Variants in MDN1 observed in about 807,000 individuals in gnomAD.
MDN1 encodes the protein midasin.
In MDN1, 266 loss-of-function variants were observed where a neutral mutation model predicts 669.2. That is an observed-to-expected ratio of 0.40 (90% confidence interval 0.36 to 0.44). The LOEUF (loss-of-function observed/expected upper bound fraction) is 0.44, where lower values mean the gene tolerates loss of function less well. Among genes scored for constraint, MDN1 ranks in the 20% least tolerant of loss-of-function variants. The pLI, the probability that MDN1 is intolerant of heterozygous loss-of-function variation, is 1.00. For synonymous variants in MDN1, 2,385 were observed against 2,457.1 expected (o/e 0.97, Z 0.87); for missense variants, 5,940 against 6,754.0 (o/e 0.88, Z 4.22).
chr6:89,715,989 CA>C (rs1468074296), intron 44 of MDN1, among the ~76,000 whole-genome samples: 5 of 152,160 alleles, frequency 3.3e-5, no homozygotes, highest in Non-Finnish European at 7.3e-5. Flanking sequence ...AGTAAATACA[CA>C]AGATATTTTT....
chr6:89,803,212 T>C lies in MDN1; in HGVS notation c.329+116A>G, dbSNP rs577465470. On this transcript the variant is annotated intron_variant, in intron 2 of 101. Transcript: ENST00000369393. ...TCTTTTTATAAAACAATACTATTTATCTCTCTCCTTTCTGTATTTCCGTTT... is the reference window on the plus strand; with the variant it reads ...TCTTTTTATAAAACAATACTATTTACCTCTCTCCTTTCTGTATTTCCGTTT... 42 of 860,528 alleles carry C rather than the reference T, an allele frequency of 4.9e-5. 1 individual carries two copies. The South Asian group carries it at 6.1e-4, about 13-fold the overall frequency. The allele number at this position is 860,528 out of a possible 1,614,324, so 53.3% of individuals were successfully genotyped here.
chr6:89,798,701 T>A (rs1819745047), intron 2 of MDN1, among the ~76,000 whole-genome samples: 1 of 152,228 alleles, frequency 6.6e-6, no homozygotes, highest in African/African-American at 2.4e-5. Flanking sequence ...TAAAAACCAC[T>A]GAACTGTACA....
intron 50 of MDN1, among the ~76,000 whole-genome samples, chr6:89,709,056 T>C (rs1226141853): frequency 2.0e-5 from 3 of 151,162 alleles, no homozygotes; most frequent in South Asian, 2.1e-4. Context: ...AAGAAAACAA[T>C]GCAGTTTTTT....
At position 89,648,095 on chromosome 6, in the gene MDN1, A is replaced by T. The variant is rs372496823; in HGVS notation, c.16332T>A (p.Asp5444Glu). ...GACGTAGAATCTGGGACCCAGAGTA[A>T]TCACTGAACTGCTCATGAAATGGGT... is the stretch of plus-strand genomic sequence containing the variant. Reference protein sequence around the residue: ...LLHPFHEQFSDYSGSQILRLC... With the variant: ...LLHPFHEQFSEYSGSQILRLC... Residue 5444 changes from aspartate (D) to glutamate (E), a missense_variant, in exon 99 of 102, where the codon GAT becomes GAA. Around this residue, in one of 5 missense-constraint regions of MDN1, gnomAD observed 2,280 missense variants for 2,576.3 expected, o/e 0.88. Coordinates refer to ENST00000369393, the MANE Select transcript of MDN1 (RefSeq NM_014611.3). The T allele has an allele frequency of 9.3e-6, 15 of 1,614,096 alleles. No individual in the cohort carries two copies. The African/African-American group carries it at 2.0e-4, about 22-fold the overall frequency.
At position 89,658,337 on chromosome 6, in the gene MDN1, C is replaced by T. The variant is rs752616140; in HGVS notation, c.15055G>A (p.Glu5019Lys). 22 of 1,614,094 alleles carry T rather than the reference C, an allele frequency of 1.4e-5. No homozygotes were observed. The highest frequency in any genetic ancestry group is 6.7e-5 in the African/African-American group (5 of 74,936). The change falls in exon 90 of 102, where the codon GAG becomes AAG. Residue 5019 changes from glutamate (E) to lysine (K), a missense_variant. Glu to Lys is a moderately conservative substitution (Grantham distance 56). Coordinates refer to ENST00000369393, the MANE Select transcript of MDN1 (RefSeq NM_014611.3). Reference sequence around the variant, plus strand: ...CTCTCCAAAGCCTCTGGCACCTGCTCCTCTGTATCAGAGTCCTCCCGTTCT... The same window carrying T: ...CTCTCCAAAGCCTCTGGCACCTGCTTCTCTGTATCAGAGTCCTCCCGTTCT... The part of the protein sequence containing the change: ...EEEREDSDTE[E>K]QVPEALERKE...
intron 33 of MDN1, among the ~76,000 whole-genome samples, 199 bp from the exon 34 acceptor site, chr6:89,732,974 G>C (rs1478997980): frequency 6.6e-6 from 1 of 152,124 alleles, no homozygotes; most frequent in African/African-American, 2.4e-5. Flanking sequence ...TTCATCAATA[G>C]CAGTCCATCC....
chr6:89,789,656 G>T, intron 7 of MDN1, 124 bp downstream of exon 7: 1 of 1,152,792 alleles, frequency 8.7e-7, no homozygotes, highest in Non-Finnish European at 1.2e-6. Context: ...TGAAGTACCT[G>T]CAACATAGTA....
intron 44 of MDN1, 145 bp downstream of exon 44, chr6:89,716,505 G>A (rs973705724): frequency 9.6e-6 from 7 of 729,070 alleles, no homozygotes; most frequent in Non-Finnish European, 1.5e-5. Context: ...ACCACAGGGA[G>A]AAGTCTACAG....
At chr6:89,747,529 T>C in intron 26 of MDN1, 59 bp from the exon 27 acceptor site, 1 of 1,492,384 alleles carries the variant, frequency 6.7e-7, no homozygotes, top group African/African-American at 1.4e-5. Context: ...GGTAAGTTTT[T>C]AGTACAATGC....
At chr6:89,763,489 T>C (rs935063842) in intron 15 of MDN1, among the ~76,000 whole-genome samples, 6 of 152,094 alleles carry the variant, frequency 3.9e-5, no homozygotes, top group Admixed American at 1.3e-4. Flanking sequence ...ATTTGAATAT[T>C]TGGGGGAGGT....
chr6:89,657,153 T>G lies in MDN1; in HGVS notation c.15184-352A>C, dbSNP rs566532662. 6.8e-4 allele frequency among the ~76,000 whole-genome samples: 103 copies of G among 152,340 alleles called. 3 individuals carry two copies. In the South Asian group the frequency reaches 0.021, roughly 31 times the overall value. On this transcript the variant is annotated intron_variant, in intron 90 of 101. Coordinates refer to ENST00000369393, the MANE Select transcript of MDN1 (RefSeq NM_014611.3). ...ACTTGAGGTTGTCATTTAACTTTAC[T>G]GAGGCTTATTTTTCTCAAATATACA...
At chr6:89,754,660 G>A (rs1032385432) in intron 20 of MDN1, among the ~76,000 whole-genome samples, 5 of 152,226 alleles carry the variant, frequency 3.3e-5, no homozygotes, top group African/African-American at 7.2e-5. Flanking sequence ...CTGACAAAAC[G>A]TTAAAAAGCA....
intron 100 of MDN1, 86 bp downstream of exon 100, chr6:89,646,454 C>A (rs920175186): frequency 9.3e-7 from 1 of 1,075,172 alleles, no homozygotes; most frequent in South Asian, 1.3e-5. Context: ...AACACAGTGA[C>A]GGGGACACTG....
In MDN1 at chr6:89,693,329, A is replaced by G. The variant is rs186046369; in HGVS notation, c.9882-181T>C. On this transcript the variant is annotated intron_variant, in intron 62 of 101. Transcript: ENST00000369393. ...TAATGAAAATGGATAACATTTACAC[A>G]GCAGTTACTGTGTCATGTATGTTGC... Among the ~76,000 whole-genome samples the G allele has an allele frequency of 1.2e-4, 18 of 152,336 alleles. No individual in the cohort carries two copies. The East Asian group carries it at 3.3e-3, about 28-fold the overall frequency.
chr6:89,655,532 T>G (rs1441618242), intron 92 of MDN1, among the ~76,000 whole-genome samples: 2 of 151,804 alleles, frequency 1.3e-5, no homozygotes, highest in African/African-American at 4.9e-5. Context: ...AAAAACAAAC[T>G]GTATTTCTGC....
intron 32 of MDN1, 96 bp from the exon 33 acceptor site, chr6:89,738,551 C>T (rs1816123625): frequency 1.6e-6 from 2 of 1,289,488 alleles, no homozygotes; most frequent in Admixed American, 2.1e-5. Context: ...TTAAGTCCAG[C>T]AAATACTACA....
At chr6:89,811,438 TTTTTA>T (rs1420727126) in intron 1 of MDN1, among the ~76,000 whole-genome samples, 1 of 151,946 alleles carries the variant, frequency 6.6e-6, no homozygotes, top group Admixed American at 6.6e-5. Flanking sequence ...GATTTACTTC[TTTTTA>T]TTTTTTTTTT....
At chr6:89,644,245 C>T (rs746080061) in intron 101 of MDN1, 52 bp from the exon 102 acceptor site, 2 of 1,443,294 alleles carry the variant, frequency 1.4e-6, no homozygotes, top group Non-Finnish European at 1.9e-6. Context: ...AACCAGCATC[C>T]TTAGCTAGCT....
In MDN1 at chr6:89,803,480, C is replaced by T. The variant is rs371253858; in HGVS notation, c.177G>A (p.Val59=). 8.1e-6 allele frequency: 13 copies of T among 1,614,024 alleles called. No homozygotes were observed. Among genetic ancestry groups the T allele is most frequent in the Admixed American group, 6.7e-5 (4 of 59,994 alleles). The change falls in exon 2 of 102, where the codon GTG becomes GTA. Residue 59 remains valine (V), a synonymous_variant. Transcript: ENST00000369393. The part of the protein sequence containing the change: ...AQLLLDKDCT[V]LVGRQLRPLL... ...GAGGGCGAAGCTGGCGACCAACCAG[C>T]ACAGTACAGTCCTTATCCAAAAGCA...
Sources: allele counts gnomAD v4.1 joint callset (sites outside exome capture counted in the v4.1 genomes callset), GRCh38; gene constraint gnomAD v4.1.1; regional missense constraint gnomAD v4.1.1; transcripts MANE v1.5; gene names NCBI Gene and HGNC (gene_info 2026-07-23, HGNC 2026-07-21).